The following LRRTM4 variants were observed in gnomAD, a reference collection of about 807,000 sequenced individuals.
LRRTM4 encodes the protein leucine rich repeat transmembrane neuronal 4.
In LRRTM4, 25 loss-of-function variants were observed where a neutral mutation model predicts 47.6. That is an observed-to-expected ratio of 0.53 (90% confidence interval 0.38 to 0.73). LRRTM4 has a LOEUF of 0.73. LRRTM4 is among the 30% of genes least tolerant of loss of function. LRRTM4 has a pLI of 0.00. For synonymous variants in LRRTM4, 311 were observed against 269.5 expected (o/e 1.15, Z -1.51); for missense variants, 638 against 713.4 (o/e 0.89, Z 1.20).
chr2:76,982,808 A>C (rs923004810), intron 3 of LRRTM4, among the ~76,000 whole-genome samples: 5 of 152,100 alleles, frequency 3.3e-5, no homozygotes, highest in Non-Finnish European at 5.9e-5. Context: ...GCCAATTAAA[A>C]ATAGGACACA....
At chr2:76,795,579 GCACACACACACATA>G (rs1407445164) in intron 3 of LRRTM4, among the ~76,000 whole-genome samples, 6 of 91,936 alleles carry the variant, frequency 6.5e-5, no homozygotes, top group South Asian at 3.8e-4. Flanking sequence ...GCATATATAT[GCACACACACACATA>G]CACACACACT....
intron 3 of LRRTM4, among the ~76,000 whole-genome samples, chr2:76,858,712 T>C (rs916665210): frequency 1.3e-5 from 2 of 152,180 alleles, no homozygotes; most frequent in African/African-American, 2.4e-5. Context: ...TCTGGCAATT[T>C]TGAATTATAG....
intron 3 of LRRTM4, among the ~76,000 whole-genome samples, chr2:76,779,505 C>T (rs866088012): frequency 1.7e-4 from 24 of 143,010 alleles, no homozygotes; most frequent in Middle Eastern, 3.2e-3. Flanking sequence ...GATCCCTTTA[C>T]CATCATGTAA....
intron 3 of LRRTM4, among the ~76,000 whole-genome samples, chr2:77,095,631 A>G (rs1342635346): frequency 2.0e-5 from 3 of 151,130 alleles, no homozygotes; most frequent in African/African-American, 7.3e-5. Context: ...TCAGCCTCCC[A>G]AGTAACTGAG....
intron 3 of LRRTM4, among the ~76,000 whole-genome samples, chr2:77,128,676 AGGCTGGAGGCTGGAGTGCAAT>A: frequency 6.6e-6 from 1 of 152,300 alleles, no homozygotes; most frequent in East Asian, 1.9e-4. Flanking sequence ...CTTGTCCCCC[AGGCTGGAGGCTGGAGTGCAAT>A]GGCGTGATCT....
At chr2:77,112,745 G>A (rs959104869) in intron 3 of LRRTM4, among the ~76,000 whole-genome samples, 1 of 152,112 alleles carries the variant, frequency 6.6e-6, no homozygotes, top group Non-Finnish European at 1.5e-5. Flanking sequence ...GATCAGTCGA[G>A]CCAGTTTGAT....
At chr2:77,117,952 G>A (rs1017803353) in intron 3 of LRRTM4, among the ~76,000 whole-genome samples, 3 of 151,826 alleles carry the variant, frequency 2.0e-5, no homozygotes, top group African/African-American at 7.2e-5. Context: ...CAAAATTCAA[G>A]CATCACAGTG....
chr2:76,810,138 A>C (rs891470318), intron 3 of LRRTM4, among the ~76,000 whole-genome samples: 2 of 152,204 alleles, frequency 1.3e-5, no homozygotes, highest in Non-Finnish European at 2.9e-5. Context: ...GTTAATCACT[A>C]TATTCCCAAC....
intron 3 of LRRTM4, among the ~76,000 whole-genome samples, chr2:76,827,880 A>G (rs1175062081): frequency 6.6e-6 from 1 of 151,808 alleles, no homozygotes; most frequent in Non-Finnish European, 1.5e-5. Flanking sequence ...CAGAATTTTA[A>G]TTTTCCACAG....
chr2:77,263,814 G>A (rs980985055), intron 3 of LRRTM4, among the ~76,000 whole-genome samples: 1 of 151,946 alleles, frequency 6.6e-6, no homozygotes, highest in Non-Finnish European at 1.5e-5. Flanking sequence ...ATAGAAGAAA[G>A]TTACTTGCTT....
intron 3 of LRRTM4, among the ~76,000 whole-genome samples, chr2:76,808,698 G>A (rs1429854050): frequency 6.6e-6 from 1 of 152,154 alleles, no homozygotes; most frequent in Non-Finnish European, 1.5e-5. Context: ...GGTGTAGGAT[G>A]ATTCTAGAAT....
chr2:77,105,778 TAA>T (rs1336184978), intron 3 of LRRTM4, among the ~76,000 whole-genome samples: 3 of 152,174 alleles, frequency 2.0e-5, no homozygotes, highest in African/African-American at 7.2e-5. Context: ...ATAGATGAAA[TAA>T]GTTTGCCTGT....
At chr2:77,384,132 T>C (rs1005953175) in intron 3 of LRRTM4, among the ~76,000 whole-genome samples, 6 of 152,060 alleles carry the variant, frequency 3.9e-5, no homozygotes, top group African/African-American at 1.4e-4. Context: ...GGATTTTTAG[T>C]ATATAAGAAA....
chr2:77,007,153 AAT>A (rs1252517594), intron 3 of LRRTM4, among the ~76,000 whole-genome samples: 4 of 151,180 alleles, frequency 2.6e-5, no homozygotes, highest in Non-Finnish European at 4.4e-5. Context: ...AATAAAGAGG[AAT>A]ATATATATAT....
intron 3 of LRRTM4, among the ~76,000 whole-genome samples, chr2:77,130,713 G>A (rs552861091): frequency 1.3e-5 from 2 of 149,900 alleles, no homozygotes; most frequent in South Asian, 2.1e-4. Context: ...GGGTTTCACC[G>A]TGTTAGCCAG....
intron 3 of LRRTM4, among the ~76,000 whole-genome samples, chr2:77,124,030 T>G (rs1023131841): frequency 4.6e-5 from 7 of 152,084 alleles, no homozygotes; most frequent in Non-Finnish European, 8.8e-5. Flanking sequence ...AAGCTAAGGA[T>G]CAGTAATGTG....
intron 3 of LRRTM4, among the ~76,000 whole-genome samples, chr2:77,214,393 C>T (rs1194835483): frequency 1.3e-5 from 2 of 152,252 alleles, no homozygotes; most frequent in East Asian, 3.9e-4. Flanking sequence ...TAATATACTG[C>T]TGCCCAGCTT....
At chr2:76,928,660 A>C (rs1157120705) in intron 3 of LRRTM4, among the ~76,000 whole-genome samples, 1 of 152,140 alleles carries the variant, frequency 6.6e-6, no homozygotes, top group Admixed American at 6.6e-5. Flanking sequence ...TTCTTTTTAC[A>C]TGAATAGGAA....
At chr2:77,094,143 CCA>C (rs940655611) in intron 3 of LRRTM4, among the ~76,000 whole-genome samples, 20 of 152,064 alleles carry the variant, frequency 1.3e-4, no homozygotes, top group Middle Eastern at 6.8e-3. Flanking sequence ...ATTTTATACA[CCA>C]CCAACAAAAA....
Sources: allele counts gnomAD v4.1 joint callset (sites outside exome capture counted in the v4.1 genomes callset), GRCh38; gene constraint gnomAD v4.1.1; transcripts MANE v1.5; gene names NCBI Gene and HGNC (gene_info 2026-07-23, HGNC 2026-07-21).